CNBD1: variants seen among roughly 807,000 people sequenced by gnomAD.
The protein encoded by CNBD1 is cyclic nucleotide-binding domain-containing protein 1.
CNBD1 carries 71 observed loss-of-function variants against 54.4 expected under a neutral mutation model. The ratio of observed to expected loss-of-function variants is 1.30; its 90% CI spans 1.08 to 1.59. The LOEUF (loss-of-function observed/expected upper bound fraction) is 1.59, where lower values mean the gene tolerates loss of function less well. Ranked by LOEUF, CNBD1 falls within the 40% of genes most tolerant of loss-of-function variation. The pLI is 0.00. For missense variants in CNBD1, 659 were observed against 518.0 expected, an observed-to-expected ratio of 1.27 and a Z score of -2.64; for synonymous variants, 182 against 170.7, an observed-to-expected ratio of 1.07 and a Z score of -0.51.
chr8:87,301,717 A>C (rs1299070588), intron 8 of CNBD1, among the ~76,000 whole-genome samples: 1 of 152,102 alleles, frequency 6.6e-6, no homozygotes, highest in East Asian at 1.9e-4. Context: ...TTTTTTGAAA[A>C]GATCAACAAA....
intron 4 of CNBD1, among the ~76,000 whole-genome samples, chr8:87,069,345 G>A (rs972325052): frequency 5.9e-5 from 9 of 152,008 alleles, no homozygotes; most frequent in Non-Finnish European, 1.2e-4. Context: ...TCAATGACAG[G>A]CTGCATATAT....
chr8:87,124,227 G>C (rs1022974635), intron 4 of CNBD1, among the ~76,000 whole-genome samples: 2 of 151,590 alleles, frequency 1.3e-5, no homozygotes, highest in African/African-American at 4.8e-5. Context: ...TTCTCACCTT[G>C]AGTTCAGTTT....
At chr8:87,327,349 G>C (rs1379318543) in intron 8 of CNBD1, among the ~76,000 whole-genome samples, 2 of 151,206 alleles carry the variant, frequency 1.3e-5, no homozygotes, top group African/African-American at 4.9e-5. Flanking sequence ...GAGCTTCCCG[G>C]CTGCTTTGTT....
At chr8:87,176,126 TGTC>T (rs1242431289) in intron 4 of CNBD1, among the ~76,000 whole-genome samples, 4 of 152,218 alleles carry the variant, frequency 2.6e-5, no homozygotes, top group Admixed American at 6.5e-5. Context: ...AATTCAAGAC[TGTC>T]TTTTCTACCC....
At chr8:87,112,304 A>T (rs1007360431) in intron 4 of CNBD1, among the ~76,000 whole-genome samples, 1 of 152,070 alleles carries the variant, frequency 6.6e-6, no homozygotes, top group Non-Finnish European at 1.5e-5. Context: ...GTTTTTGCCA[A>T]CCTTTCATCT....
chr8:87,174,895 T>G (rs1268262386), intron 4 of CNBD1, among the ~76,000 whole-genome samples: 1 of 152,184 alleles, frequency 6.6e-6, no homozygotes, highest in Non-Finnish European at 1.5e-5. Flanking sequence ...CAGACTCTTG[T>G]TCTCTTCCGT....
chr8:87,260,471 T>C (rs970027019), intron 6 of CNBD1, among the ~76,000 whole-genome samples: 2 of 152,180 alleles, frequency 1.3e-5, no homozygotes, highest in African/African-American at 4.8e-5. Context: ...TAGCACAAAA[T>C]GCACCAGATT....
intron 8 of CNBD1, among the ~76,000 whole-genome samples, chr8:87,305,322 A>T (rs2130886038): frequency 6.6e-6 from 1 of 152,256 alleles, no homozygotes; most frequent in South Asian, 2.1e-4. Context: ...TGTGAAAATG[A>T]CCATATTGCC....
At chr8:87,208,562 C>A (rs1814026373) in intron 5 of CNBD1, among the ~76,000 whole-genome samples, 1 of 151,856 alleles carries the variant, frequency 6.6e-6, no homozygotes, top group African/African-American at 2.4e-5. Flanking sequence ...ATGGCCTGAA[C>A]AAGGGACATT....
intron 6 of CNBD1, among the ~76,000 whole-genome samples, chr8:87,244,680 A>G (rs1398713548): frequency 3.3e-5 from 5 of 151,906 alleles, no homozygotes; most frequent in Non-Finnish European, 2.9e-5. Context: ...TCATATCCCA[A>G]CCCCCAGTGT....
chr8:87,415,241 A>C (rs535438290), intron 2 of CNBD1, among the ~76,000 whole-genome samples: 1 of 152,048 alleles, frequency 6.6e-6, no homozygotes, highest in South Asian at 2.1e-4. Flanking sequence ...GAGCATATCA[A>C]TTACTGGTAC....
chr8:87,268,691 G>A (rs929170091), intron 6 of CNBD1, among the ~76,000 whole-genome samples: 3 of 152,048 alleles, frequency 2.0e-5, no homozygotes, highest in African/African-American at 4.8e-5. Flanking sequence ...TTAGTAATGA[G>A]CATTTTAAAA....
intron 2 of CNBD1, among the ~76,000 whole-genome samples, chr8:87,427,121 A>G (rs914474549): frequency 1.3e-5 from 2 of 152,070 alleles, no homozygotes; most frequent in South Asian, 2.1e-4. Flanking sequence ...TTCCCCCTGT[A>G]AAGAGCTAGC....
At chr8:87,404,973 C>T (rs978723382) in intron 2 of CNBD1, among the ~76,000 whole-genome samples, 1 of 151,958 alleles carries the variant, frequency 6.6e-6, no homozygotes, top group Admixed American at 6.6e-5. Context: ...TTGATTATAA[C>T]TGGATTGAGT....
rs1809616288 is a variant in CNBD1 at position 86,939,689 on chromosome 8, T to C, written c.366T>C (p.His122=). ...ATGTTCAGAGAGCACATGGTGGCCATATTTTATATAGACCAAAAAGAGCCA... is the reference window on the plus strand; with the variant it reads ...ATGTTCAGAGAGCACATGGTGGCCACATTTTATATAGACCAAAAAGAGCCA... ...AVHVQRAHGG[H]ILYRPKRATE... The change falls in exon 4 of 11, where the codon CAT becomes CAC. Residue 122 remains histidine (H), a synonymous_variant. Coordinates refer to ENST00000518476, the MANE Select transcript of CNBD1 (RefSeq NM_173538.3). 1 of 1,603,992 alleles carries C rather than the reference T, an allele frequency of 6.2e-7. No individual in the cohort carries two copies. The highest frequency in any genetic ancestry group is 8.5e-7 in the Non-Finnish European group (1 of 1,173,898).
intron 2 of CNBD1, among the ~76,000 whole-genome samples, chr8:87,403,083 T>C (rs898784742): frequency 1.3e-5 from 2 of 151,932 alleles, no homozygotes; most frequent in African/African-American, 4.8e-5. Context: ...GGTTTCCTCA[T>C]AAAGATGCTT....
intron 4 of CNBD1, among the ~76,000 whole-genome samples, chr8:87,156,222 A>G (rs1471865335): frequency 8.1e-6 from 1 of 123,378 alleles, no homozygotes; most frequent in Non-Finnish European, 1.8e-5. Flanking sequence ...AATCATATTT[A>G]TTGTGTTCAT....
At chr8:87,320,956 G>A (rs1809512620) in intron 8 of CNBD1, among the ~76,000 whole-genome samples, 1 of 152,074 alleles carries the variant, frequency 6.6e-6, no homozygotes, top group African/African-American at 2.4e-5. Flanking sequence ...GTGGAATCAT[G>A]CAGTATTTGT....
chr8:87,157,128 C>G (rs894520113), intron 4 of CNBD1, among the ~76,000 whole-genome samples: 2 of 152,104 alleles, frequency 1.3e-5, no homozygotes, highest in African/African-American at 4.8e-5. Flanking sequence ...TTTTAAGAAG[C>G]AATCCTCTCC....
Sources: gnomAD v4.1 joint callset for allele counts (sites outside exome capture counted in the v4.1 genomes callset) on GRCh38, gnomAD v4.1.1 for gene constraint, MANE v1.5 for transcripts, NCBI Gene and HGNC (gene_info 2026-07-23, HGNC 2026-07-21) for gene names.